IQCM: variants seen among roughly 807,000 people sequenced by gnomAD.
IQCM encodes the protein IQ domain-containing protein M.
Under a neutral mutation model 57.6 loss-of-function variants are expected in IQCM, and 45 were observed. The ratio of observed to expected loss-of-function variants is 0.78; its 90% confidence interval spans 0.62 to 1.00. IQCM has a LOEUF of 1.00. IQCM is among the 50% of genes least tolerant of loss of function. The pLI is 0.00. For missense variants in IQCM, 468 were observed against 511.6 expected, an observed-to-expected ratio of 0.91 and a Z score of 0.82; for synonymous variants, 148 against 158.9, an observed-to-expected ratio of 0.93 and a Z score of 0.51.
chr4:149,461,988 C>T (rs915483720), intron 12 of IQCM, among the ~76,000 whole-genome samples: 4 of 152,024 alleles, frequency 2.6e-5, no homozygotes, highest in Non-Finnish European at 5.9e-5. Context: ...GGTCCCCTAT[C>T]CTATCCTATA....
At chr4:149,811,984 C>A (rs1258142728) in intron 2 of IQCM, among the ~76,000 whole-genome samples, 2 of 152,120 alleles carry the variant, frequency 1.3e-5, no homozygotes, top group Middle Eastern at 3.2e-3. Context: ...GATAGAAGGG[C>A]CTTCTAAGAG....
chr4:149,516,795 C>T (rs1435551639), intron 12 of IQCM, among the ~76,000 whole-genome samples: 2 of 151,938 alleles, frequency 1.3e-5, no homozygotes, highest in Non-Finnish European at 2.9e-5. Context: ...AGGAACACTG[C>T]CACCAGGAGA....
At chr4:149,446,797 G>A (rs766114875) in intron 12 of IQCM, among the ~76,000 whole-genome samples, 3 of 151,392 alleles carry the variant, frequency 2.0e-5, no homozygotes, top group Non-Finnish European at 4.4e-5. Context: ...ATTCCTTAAG[G>A]ATAGTCAGAA....
chr4:149,790,890 AT>A (rs550621188), intron 2 of IQCM, among the ~76,000 whole-genome samples: 79 of 151,526 alleles, frequency 5.2e-4, no homozygotes, highest in Non-Finnish European at 2.5e-4. Context: ...TTACTGCTGC[AT>A]TTTTTTCCAG....
At chr4:149,530,599 A>G (rs917270358) in intron 12 of IQCM, among the ~76,000 whole-genome samples, 2 of 152,196 alleles carry the variant, frequency 1.3e-5, no homozygotes, top group Admixed American at 1.3e-4. Context: ...CAAATTCTTA[A>G]TTAAATCTAT....
chr4:149,368,412 C>A lies in IQCM; in HGVS notation c.1391-16346G>T, dbSNP rs576683845. On this transcript the variant is annotated intron_variant, in intron 13 of 13. Transcript: ENST00000636793. ...ATATATCCTTCAATAGATGGCTGGA[C>A]AACTTAACTTTTCTCCACATACTCA... Among the ~76,000 whole-genome samples, 8 of 151,998 alleles carry A rather than the reference C, an allele frequency of 5.3e-5. No individual in the cohort carries two copies. The East Asian group carries it at 5.8e-4, about 11-fold the overall frequency.
chr4:149,729,420 A>G (rs1376007699), intron 5 of IQCM, among the ~76,000 whole-genome samples: 1 of 151,800 alleles, frequency 6.6e-6, no homozygotes, highest in African/African-American at 2.4e-5. Flanking sequence ...CTTCCAGTTA[A>G]TTCTGCCTGA....
At chr4:149,776,730 CTCA>C (rs1771123902) in intron 2 of IQCM, among the ~76,000 whole-genome samples, 1 of 152,058 alleles carries the variant, frequency 6.6e-6, no homozygotes, top group East Asian at 1.9e-4. Context: ...GGATGTCCTC[CTCA>C]TCATTATTAT....
intron 12 of IQCM, among the ~76,000 whole-genome samples, chr4:149,462,169 T>C (rs1738369850): frequency 6.6e-6 from 1 of 152,194 alleles, no homozygotes; most frequent in African/African-American, 2.4e-5. Context: ...CATTATATAG[T>C]AGGTCTGGAG....
chr4:149,692,036 G>A (rs974899642), intron 5 of IQCM, among the ~76,000 whole-genome samples: 2 of 152,082 alleles, frequency 1.3e-5, no homozygotes, highest in Admixed American at 1.3e-4. Context: ...TTATCCATGT[G>A]CTCCCCTATA....
At chr4:149,700,692 G>A (rs1049901565) in intron 5 of IQCM, among the ~76,000 whole-genome samples, 1 of 152,024 alleles carries the variant, frequency 6.6e-6, no homozygotes, top group Admixed American at 6.6e-5. Flanking sequence ...TCAGCTGCCT[G>A]ACCGCTTGCC....
chr4:149,436,075 G>A (rs1177407970), intron 12 of IQCM, among the ~76,000 whole-genome samples: 1 of 151,984 alleles, frequency 6.6e-6, no homozygotes, highest in Non-Finnish European at 1.5e-5. Context: ...CATGTCCTAG[G>A]CCTTCACATT....
At chr4:149,481,352 C>T (rs911777164) in intron 12 of IQCM, among the ~76,000 whole-genome samples, 1 of 151,888 alleles carries the variant, frequency 6.6e-6, no homozygotes, top group African/African-American at 2.4e-5. Context: ...TAGAGATTTT[C>T]CCCCAATGTT....
At chr4:149,514,077 A>G (rs1388944707) in intron 12 of IQCM, among the ~76,000 whole-genome samples, 1 of 152,156 alleles carries the variant, frequency 6.6e-6, no homozygotes, top group African/African-American at 2.4e-5. Context: ...CTTGAAAAAG[A>G]GAAGAGAAGA....
intron 5 of IQCM, among the ~76,000 whole-genome samples, chr4:149,708,968 T>C (rs1764360871): frequency 2.0e-5 from 3 of 152,108 alleles, no homozygotes; most frequent in Admixed American, 1.3e-4. Flanking sequence ...GACCAGTTTT[T>C]GTGACTCATT....
intron 8 of IQCM, among the ~76,000 whole-genome samples, chr4:149,604,171 C>T (rs1308768297): frequency 2.0e-5 from 3 of 152,172 alleles, no homozygotes; most frequent in African/African-American, 7.2e-5. Flanking sequence ...TGAGAATATG[C>T]ATATGCTACA....
chr4:149,423,432 C>T (rs1734252103), intron 13 of IQCM, among the ~76,000 whole-genome samples: 5 of 151,878 alleles, frequency 3.3e-5, no homozygotes, highest in South Asian at 4.2e-4. Flanking sequence ...GGTTACAATT[C>T]GAGAGAATAT....
intron 13 of IQCM, among the ~76,000 whole-genome samples, chr4:149,370,380 A>C (rs1225442674): frequency 6.6e-6 from 1 of 152,184 alleles, no homozygotes; most frequent in African/African-American, 2.4e-5. Flanking sequence ...ATTTAAAGAG[A>C]AAATATACAT....
rs185615538 is a variant in IQCM, at chr4:149,639,834, T to C, written c.566-18590A>G. On this transcript the variant is annotated intron_variant, in intron 7 of 13. Transcript: ENST00000636793. Reference sequence around the variant, plus strand: ...GTCCCAGCTACTTGGAAGGCTGAAGTGGGAGGATCCCTCGAGACAGCGAGG... The same window carrying C: ...GTCCCAGCTACTTGGAAGGCTGAAGCGGGAGGATCCCTCGAGACAGCGAGG... Among the ~76,000 whole-genome samples, 1,063 of 152,210 alleles carry C rather than the reference T, an allele frequency of 7.0e-3. 24 individuals carry two copies. Among genetic ancestry groups the C allele is most frequent in the Non-Finnish European group, 8.2e-3 (556 of 67,998 alleles).
Sources: gnomAD v4.1 joint callset for allele counts (sites outside exome capture counted in the v4.1 genomes callset) on GRCh38, gnomAD v4.1.1 for gene constraint, MANE v1.5 for transcripts, NCBI Gene and HGNC (gene_info 2026-07-23, HGNC 2026-07-21) for gene names.